LTBP1: variants seen among roughly 807,000 people sequenced by gnomAD.
LTBP1 encodes the protein latent-transforming growth factor beta-binding protein 1.
Under a neutral mutation model 207.6 loss-of-function variants are expected in LTBP1, and 129 were observed. The ratio of observed to expected loss-of-function variants is 0.62; its 90% CI spans 0.54 to 0.72. The LOEUF (loss-of-function observed/expected upper bound fraction) is 0.72. Among genes scored for constraint, LTBP1 ranks in the 30% least tolerant of loss-of-function variants. The pLI, the probability that LTBP1 is intolerant of heterozygous loss-of-function variation, is 0.00. For missense variants in LTBP1, 2,281 were observed against 2,217.2 expected (o/e 1.03, Z -0.58); for synonymous variants, 963 against 833.7 (o/e 1.16, Z -2.67).
chr2:33,100,170 G>C (rs2079636416), intron 3 of LTBP1, among the ~76,000 whole-genome samples: 1 of 152,212 alleles, frequency 6.6e-6, no homozygotes, highest in Non-Finnish European at 1.5e-5. Flanking sequence ...CATCACTGGA[G>C]AGCATAACGT....
intron 4 of LTBP1, among the ~76,000 whole-genome samples, chr2:33,129,634 T>C (rs965648527): frequency 5.3e-5 from 8 of 152,254 alleles, no homozygotes; most frequent in Non-Finnish European, 1.0e-4. Context: ...ACATATTTAA[T>C]TAAAAATGGT....
At chr2:33,127,259 T>C (rs918116855) in intron 4 of LTBP1, among the ~76,000 whole-genome samples, 14 of 152,190 alleles carry the variant, frequency 9.2e-5, no homozygotes, top group African/African-American at 3.4e-4. Flanking sequence ...AGAATTTAAA[T>C]TTCGTGAAGT....
At chr2:33,104,537 C>A (rs1165562166) in intron 3 of LTBP1, among the ~76,000 whole-genome samples, 1 of 152,196 alleles carries the variant, frequency 6.6e-6, no homozygotes, top group Non-Finnish European at 1.5e-5. Context: ...AGGTGGTCCT[C>A]TCCTGCTTCC....
Position 33,360,745 on chromosome 2 carries a change from C to T in LTBP1, c.4149C>T (p.Asn1383=), listed in dbSNP as rs535944484. 2.5e-6 allele frequency: 4 copies of T among 1,614,020 alleles called. No individual in the cohort carries two copies. The highest frequency in any genetic ancestry group is 1.7e-4 in the Middle Eastern group (1 of 6,058). Reference sequence around the variant, plus strand: ...CATCAGGCGTGGGATGGGGAGATAACTGCGAAATCTTCCCCTGCCCGGTCT... The same window carrying T: ...CATCAGGCGTGGGATGGGGAGATAATTGCGAAATCTTCCCCTGCCCGGTCT... ...CCTSGVGWGD[N]CEIFPCPVLG... Residue 1383 remains asparagine, a synonymous_variant, in exon 27 of 34, where the codon AAC becomes AAT. Coordinates refer to ENST00000404816, the MANE Select transcript of LTBP1 (RefSeq NM_206943.4).
At chr2:33,040,724 A>G (rs2076142634) in intron 3 of LTBP1, among the ~76,000 whole-genome samples, 1 of 152,162 alleles carries the variant, frequency 6.6e-6, no homozygotes. Flanking sequence ...AGACATTCAG[A>G]TGATTGAACT....
intron 2 of LTBP1, among the ~76,000 whole-genome samples, chr2:33,012,942 G>A (rs1045140127): frequency 6.6e-6 from 1 of 152,248 alleles, no homozygotes; most frequent in African/African-American, 2.4e-5. Context: ...ATGAAATAAC[G>A]TGTTTTAATT....
chr2:32,969,391 GT>G (rs994012828), intron 2 of LTBP1, among the ~76,000 whole-genome samples: 3 of 152,106 alleles, frequency 2.0e-5, no homozygotes, highest in African/African-American at 7.2e-5. Context: ...AATAAGCACA[GT>G]ACCTAATAGG....
intron 2 of LTBP1, among the ~76,000 whole-genome samples, chr2:32,967,392 C>G (rs1365217262): frequency 6.6e-6 from 1 of 151,960 alleles, no homozygotes; most frequent in Non-Finnish European, 1.5e-5. Context: ...TTTCTAGTTT[C>G]CCATGGTGGA....
intron 24 of LTBP1, among the ~76,000 whole-genome samples, chr2:33,325,265 G>A (rs1419138405): frequency 1.3e-5 from 2 of 152,100 alleles, no homozygotes; most frequent in African/African-American, 4.8e-5. Flanking sequence ...ATTTTCTGTG[G>A]TTTTATAACT....
At chr2:32,995,274 C>G (rs1453548259) in intron 2 of LTBP1, among the ~76,000 whole-genome samples, 1 of 152,036 alleles carries the variant, frequency 6.6e-6, no homozygotes, top group Non-Finnish European at 1.5e-5. Flanking sequence ...TGTTATAGGG[C>G]AGTGCCTCTC....
At chr2:33,258,474 G>A (rs1431150748) in intron 12 of LTBP1, among the ~76,000 whole-genome samples, 4 of 152,058 alleles carry the variant, frequency 2.6e-5, no homozygotes, top group South Asian at 2.1e-4. Context: ...AGCTCTGAAC[G>A]TTTGTGTGTT....
chr2:33,024,938 A>C (rs1371749804), intron 3 of LTBP1, among the ~76,000 whole-genome samples: 1 of 152,334 alleles, frequency 6.6e-6, no homozygotes, highest in East Asian at 1.9e-4. Flanking sequence ...GGGCTGGGGA[A>C]TCCACTGCCA....
At chr2:33,156,154 A>T (rs2083958145) in intron 5 of LTBP1, among the ~76,000 whole-genome samples, 2 of 152,238 alleles carry the variant, frequency 1.3e-5, no homozygotes. Flanking sequence ...TTTAAAGGTG[A>T]GGAAACTAAG....
intron 2 of LTBP1, among the ~76,000 whole-genome samples, chr2:33,017,431 G>A (rs1045274450): frequency 4.6e-5 from 7 of 152,192 alleles, no homozygotes; most frequent in Non-Finnish European, 8.8e-5. Context: ...TTCAGATTTA[G>A]CAGGCTTGGG....
At chr2:33,115,031 G>GAT (rs373292217) in intron 4 of LTBP1, among the ~76,000 whole-genome samples, 16,607 of 131,340 alleles carry the variant, frequency 0.13, 1,138 homozygotes, top group East Asian at 0.48. Context: ...TAAACAAACA[G>GAT]ATATATACAC....
intron 11 of LTBP1, among the ~76,000 whole-genome samples, chr2:33,256,943 A>G (rs2092877871): frequency 6.7e-6 from 1 of 150,178 alleles, no homozygotes; most frequent in Non-Finnish European, 1.5e-5. Context: ...TCCTAGAACT[A>G]ATCCCTCATG....
chr2:33,206,959 TG>T lies in LTBP1; in HGVS notation c.1702-10592del, dbSNP rs1318263515. On this transcript the variant is annotated intron_variant, in intron 7 of 33. Coordinates refer to ENST00000404816, the MANE Select transcript of LTBP1 (RefSeq NM_206943.4). Reference sequence around the variant, plus strand: ...CTAGGATTTATCACATGATTTGTGTTGTTTTGCCCCAAGGAAAGGCTAACAG... The same window carrying T: ...CTAGGATTTATCACATGATTTGTGTTTTTTGCCCCAAGGAAAGGCTAACAG... Among the ~76,000 whole-genome samples, 4 of 152,298 alleles carry T rather than the reference TG, an allele frequency of 2.6e-5. No individual in the cohort carries two copies. The East Asian group carries it at 7.7e-4, about 29-fold the overall frequency.
At chr2:33,030,204 A>G (rs140229778) in intron 3 of LTBP1, among the ~76,000 whole-genome samples, 2 of 152,248 alleles carry the variant, frequency 1.3e-5, no homozygotes, top group African/African-American at 4.8e-5. Flanking sequence ...ATCCTTCCTA[A>G]TTATATTTCT....
At chr2:32,997,585 C>T (rs1430887885) in intron 2 of LTBP1, among the ~76,000 whole-genome samples, 2 of 152,132 alleles carry the variant, frequency 1.3e-5, no homozygotes, top group Non-Finnish European at 1.5e-5. Context: ...GGTGCCTAAC[C>T]AAGCTAAATG....
Sources: allele counts gnomAD v4.1 joint callset (sites outside exome capture counted in the v4.1 genomes callset), GRCh38; gene constraint gnomAD v4.1.1; transcripts MANE v1.5; gene names NCBI Gene and HGNC (gene_info 2026-07-23, HGNC 2026-07-21).